The following BIVM variants were observed in gnomAD, a reference collection of about 807,000 sequenced individuals.
The protein encoded by BIVM is basic, immunoglobulin-like variable motif containing.
Under a neutral mutation model 61.4 loss-of-function variants are expected in BIVM, and 31 were observed. The observed-to-expected ratio is 0.51, with a 90% CI of 0.38 to 0.68. The LOEUF (loss-of-function observed/expected upper bound fraction) is 0.68. Ranked by LOEUF, BIVM falls within the 30% of genes least tolerant of loss-of-function variation. The pLI is 0.00. For synonymous variants in BIVM, 189 were observed against 210.7 expected (o/e 0.90, Z 0.89); for missense variants, 526 against 596.0 (o/e 0.88, Z 1.22).
intron 3 of BIVM, among the ~76,000 whole-genome samples, chr13:102,811,889 A>G (rs1879522128): frequency 6.6e-6 from 1 of 152,118 alleles, no homozygotes; most frequent in African/African-American, 2.4e-5. Context: ...GAATTTGTTG[A>G]GTTTCTTGGA....
In BIVM at chr13:102,812,403, C is replaced by G. The variant is rs141082498; in HGVS notation, c.479-4025C>G. 2.6e-4 allele frequency among the ~76,000 whole-genome samples: 39 copies of G among 152,130 alleles called. No individual in the cohort carries two copies. In the East Asian group the frequency reaches 7.1e-3, roughly 28 times the overall value. ...TATTTTTTTGTTTCTTTGAATGGGC[C>G]TTATTCTGTTTCTTGTGATTTTTTG... On this transcript the variant is annotated intron_variant, in intron 3 of 10. Coordinates refer to ENST00000257336, the MANE Select transcript of BIVM (RefSeq NM_017693.4).
chr13:102,812,387 G>C (rs1262119123), intron 3 of BIVM, among the ~76,000 whole-genome samples: 1 of 151,806 alleles, frequency 6.6e-6, no homozygotes, highest in Non-Finnish European at 1.5e-5. Context: ...ATATTTTTTT[G>C]TTTCTTTGAA....
intron 9 of BIVM, among the ~76,000 whole-genome samples, chr13:102,837,040 C>A (rs780289357): frequency 1.3e-5 from 2 of 152,074 alleles, no homozygotes; most frequent in Non-Finnish European, 2.9e-5. Context: ...GTAATCCCAG[C>A]GCTTAGGTGG....
At chr13:102,805,427 G>A (rs527612213) in intron 2 of BIVM, 37 bp downstream of exon 2, 2 of 152,236 alleles carry the variant, frequency 1.3e-5, no homozygotes, top group Non-Finnish European at 2.9e-5. Flanking sequence ...TCTGTATTCT[G>A]TGTTTATTTA....
intron 7 of BIVM, among the ~76,000 whole-genome samples, chr13:102,828,769 C>T (rs1880852320): frequency 6.6e-6 from 1 of 152,106 alleles, no homozygotes; most frequent in Admixed American, 6.5e-5. Context: ...TGGCTCACGC[C>T]TGTAATCCCA....
At chr13:102,824,637 A>G (rs898375071) in intron 7 of BIVM, among the ~76,000 whole-genome samples, 3 of 152,256 alleles carry the variant, frequency 2.0e-5, no homozygotes, top group African/African-American at 7.2e-5. Context: ...GCCATAGACA[A>G]CATGTAAACA....
intron 7 of BIVM, among the ~76,000 whole-genome samples, chr13:102,824,967 G>A (rs1034666695): frequency 7.3e-5 from 11 of 151,140 alleles, no homozygotes; most frequent in South Asian, 2.1e-4. Flanking sequence ...TTTTGAGACG[G>A]AGTCTCGCTC....
chr13:102,818,205 C>G (rs757266651), intron 4 of BIVM, among the ~76,000 whole-genome samples: 1 of 152,136 alleles, frequency 6.6e-6, no homozygotes, highest in Non-Finnish European at 1.5e-5. Flanking sequence ...AGTAGCTTGT[C>G]TAAAGTGAGG....
chr13:102,840,022 A>G lies in BIVM; in HGVS notation c.*157A>G, dbSNP rs1294551154. 1.4e-5 allele frequency: 10 copies of G among 726,390 alleles called. No homozygotes were observed. The highest frequency in any genetic ancestry group is 2.0e-5 in the Non-Finnish European group (9 of 459,398). The allele number at this position is 726,390 out of a possible 1,614,324, so 45.0% of individuals were successfully genotyped here. On this transcript the variant is annotated 3_prime_UTR_variant, in exon 11 of 11. Transcript: ENST00000257336. ...AGTTCTCCAGATACTAAGCTTGTATATGATTATGGTGGGTGATTTCAGATA... is the reference window on the plus strand; with the variant it reads ...AGTTCTCCAGATACTAAGCTTGTATGTGATTATGGTGGGTGATTTCAGATA...
chr13:102,803,626 G>A (rs1878880002), intron 1 of BIVM, among the ~76,000 whole-genome samples: 1 of 152,080 alleles, frequency 6.6e-6, no homozygotes, highest in Non-Finnish European at 1.5e-5. Flanking sequence ...GGATATAAAA[G>A]GGGCAGGGCC....
intron 1 of BIVM, among the ~76,000 whole-genome samples, chr13:102,801,004 T>C (rs1202051981): frequency 6.6e-6 from 1 of 152,210 alleles, no homozygotes; most frequent in African/African-American, 2.4e-5. Flanking sequence ...ACAGACAAAA[T>C]ATAACCTGAA....
intron 7 of BIVM, among the ~76,000 whole-genome samples, chr13:102,829,560 T>A (rs1356948466): frequency 1.3e-5 from 2 of 152,092 alleles, no homozygotes; most frequent in African/African-American, 4.8e-5. Context: ...ATTTACTGGC[T>A]CGGCACAGTG....
chr13:102,840,711 TC>T lies in BIVM; in HGVS notation c.*848del, dbSNP rs1379265859. The T allele has an allele frequency of 1.7e-5, 2 of 119,330 alleles. No homozygotes were observed. The highest frequency in any genetic ancestry group is 5.4e-5 in the African/African-American group (2 of 37,168). 7.4% of individuals were successfully genotyped at this position (119,330 alleles called of 1,614,324 possible). ...AAAAAAAAAAAAAAAAAAAGACGGA[TC>T]CTTTTTTTTGGTGCAAATGGGTGAC... On this transcript the variant is annotated 3_prime_UTR_variant, in exon 11 of 11. Coordinates refer to ENST00000257336, the MANE Select transcript of BIVM (RefSeq NM_017693.4).
chr13:102,808,111 C>A (rs570739836), intron 3 of BIVM, among the ~76,000 whole-genome samples: 1 of 152,188 alleles, frequency 6.6e-6, no homozygotes, highest in Admixed American at 6.5e-5. Flanking sequence ...ATTTCCTGAC[C>A]AAACATCTTT....
At chr13:102,835,913 TAC>T (rs1435294095) in intron 9 of BIVM, among the ~76,000 whole-genome samples, 1 of 152,230 alleles carries the variant, frequency 6.6e-6, no homozygotes, top group Non-Finnish European at 1.5e-5. Context: ...TTTCACTTAA[TAC>T]AGTGTTTTCA....
intron 7 of BIVM, among the ~76,000 whole-genome samples, chr13:102,824,876 T>C (rs1272946723): frequency 6.6e-6 from 1 of 152,124 alleles, no homozygotes; most frequent in Admixed American, 6.5e-5. Flanking sequence ...CCTTTCCCCT[T>C]AGCCTCCCAA....
At chr13:102,825,472 G>A (rs1346399399) in intron 7 of BIVM, among the ~76,000 whole-genome samples, 4 of 152,186 alleles carry the variant, frequency 2.6e-5, no homozygotes, top group Non-Finnish European at 5.9e-5. Context: ...CTGCAGTCTG[G>A]AGACTGGATT....
chr13:102,834,696 T>G (rs1281065177), intron 9 of BIVM, 144 bp downstream of exon 9: 1 of 684,262 alleles, frequency 1.5e-6, no homozygotes, highest in East Asian at 3.4e-5. Flanking sequence ...ACACATTCAT[T>G]GCCATGGAAA....
rs145982160 is a variant in BIVM at position 102,807,536 on chromosome 13, G to A, written c.269G>A (p.Arg90His). The change falls in exon 3 of 11, where the codon CGC becomes CAC. Residue 90 changes from arginine (R) to histidine (H), a missense_variant. Coordinates refer to ENST00000257336, the MANE Select transcript of BIVM (RefSeq NM_017693.4). This position sits in a 1 kb window ranked among gnomAD's most constrained non-coding sequence, Gnocchi z 4.0. ...TSIYKTPNPSRSPCLPDSTSL... is the reference protein window; with the variant it reads ...TSIYKTPNPSHSPCLPDSTSL... ...ATCTATAAAACTCCAAATCCATCCCGCTCTCCTTGCCTCCCTGATAGTACC... is the reference window on the plus strand; with the variant it reads ...ATCTATAAAACTCCAAATCCATCCCACTCTCCTTGCCTCCCTGATAGTACC... 24 of 1,614,068 alleles carry A rather than the reference G, an allele frequency of 1.5e-5. No homozygotes were observed. The highest frequency in any genetic ancestry group is 4.5e-5 in the East Asian group (2 of 44,888).
Sources: allele counts gnomAD v4.1 joint callset (sites outside exome capture counted in the v4.1 genomes callset), GRCh38; gene constraint gnomAD v4.1.1; non-coding constraint Gnocchi (gnomAD v3.1); transcripts MANE v1.5; gene names NCBI Gene and HGNC (gene_info 2026-07-23, HGNC 2026-07-21).